ANKFN1: variants seen among roughly 807,000 people sequenced by gnomAD.
ANKFN1 encodes ankyrin repeat and fibronectin type III domain containing 1.
In ANKFN1, 74 loss-of-function variants were observed where a neutral mutation model predicts 108.7. The ratio of observed to expected loss-of-function variants is 0.68; its 90% CI spans 0.56 to 0.83. ANKFN1 has a LOEUF of 0.83. ANKFN1 is among the 40% of genes least tolerant of loss of function. The pLI, the probability that ANKFN1 is intolerant of heterozygous loss-of-function variation, is 0.00. For missense variants in ANKFN1, 1,505 were observed against 1,382.3 expected (o/e 1.09, Z -1.41); for synonymous variants, 547 against 516.2 (o/e 1.06, Z -0.81).
At position 56,287,384 on chromosome 17, in the gene ANKFN1, T is replaced by C. The variant is rs540320107; in HGVS notation, c.54-38837T>C. Among the ~76,000 whole-genome samples, 3 of 152,308 alleles carry C rather than the reference T, an allele frequency of 2.0e-5. No homozygotes were observed. The East Asian group carries it at 5.8e-4, about 29-fold the overall frequency. On this transcript the variant is annotated intron_variant, in intron 3 of 20. Transcript: ENST00000682825. ...TTCACTTCCCTGACTTTCAGTTTTCTTATCCTTGGAATGAAGGCAATACAA... is the reference window on the plus strand; with the variant it reads ...TTCACTTCCCTGACTTTCAGTTTTCCTATCCTTGGAATGAAGGCAATACAA...
intron 20 of ANKFN1, among the ~76,000 whole-genome samples, chr17:56,509,399 C>T (rs922130436): frequency 6.6e-6 from 1 of 152,216 alleles, no homozygotes; most frequent in Non-Finnish European, 1.5e-5. Flanking sequence ...CCTCATCCAA[C>T]ACATCTAGTT....
chr17:56,227,600 A>G (rs1164237352), intron 2 of ANKFN1, among the ~76,000 whole-genome samples: 1 of 152,126 alleles, frequency 6.6e-6, no homozygotes, highest in African/African-American at 2.4e-5. Flanking sequence ...AGCCAGCCAG[A>G]CTTACCATGT....
At chr17:56,482,219 C>G in intron 17 of ANKFN1, 137 bp from the exon 18 acceptor site, 1 of 740,818 alleles carries the variant, frequency 1.3e-6, no homozygotes, top group East Asian at 2.7e-5. Context: ...GGGCTGAACC[C>G]TAATATTTAT....
At chr17:56,417,632 G>T (rs2048281955) in intron 8 of ANKFN1, among the ~76,000 whole-genome samples, 1 of 152,178 alleles carries the variant, frequency 6.6e-6, no homozygotes, top group African/African-American at 2.4e-5. Flanking sequence ...TACCCATTTT[G>T]TTATGGATAT....
At chr17:56,342,600 A>G (rs1330526713) in intron 4 of ANKFN1, among the ~76,000 whole-genome samples, 2 of 151,960 alleles carry the variant, frequency 1.3e-5, no homozygotes, top group East Asian at 3.9e-4. Context: ...ATGTAATTGT[A>G]TGGTTTTGAG....
At chr17:56,149,704 A>G (rs75482262), upstream of ANKFN1, among the ~76,000 whole-genome samples, 2,739 of 152,338 alleles carry the variant, frequency 0.018, 100 homozygotes, top group African/African-American at 0.063. Context: ...GCTGGCTAAG[A>G]GCTGGGAGAA....
chr17:56,087,738 T>C (rs1481273064), intron 4 of ANKFN1, among the ~76,000 whole-genome samples: 1 of 151,300 alleles, frequency 6.6e-6, no homozygotes. Flanking sequence ...CAACTGCCTG[T>C]TTTTATAAAT....
chr17:56,446,760 C>T (rs1004008750), intron 10 of ANKFN1, among the ~76,000 whole-genome samples: 3 of 151,798 alleles, frequency 2.0e-5, no homozygotes, highest in Non-Finnish European at 4.4e-5. Flanking sequence ...AAAAATTAGC[C>T]AGGTGTGGTG....
At chr17:56,094,600 A>G (rs1417778295) in intron 4 of ANKFN1, among the ~76,000 whole-genome samples, 2 of 145,198 alleles carry the variant, frequency 1.4e-5, no homozygotes, top group African/African-American at 5.1e-5. Context: ...GCCTCCTGGG[A>G]TCAAGTGATT....
chr17:56,467,984 C>T (rs986879827), intron 15 of ANKFN1, among the ~76,000 whole-genome samples: 12 of 152,160 alleles, frequency 7.9e-5, no homozygotes, highest in African/African-American at 2.7e-4. Flanking sequence ...CTTCTATGTC[C>T]TTGCAGGGAC....
chr17:56,511,100 A>G lies in ANKFN1; in HGVS notation c.3272A>G (p.Tyr1091Cys). 2.6e-6 allele frequency: 4 copies of G among 1,536,002 alleles called. No individual in the cohort carries two copies. The highest frequency in any genetic ancestry group is 3.5e-6 in the Non-Finnish European group (4 of 1,146,842). The change falls in exon 21 of 21, where the codon TAC (tyrosine) becomes TGC (cysteine). Residue 1091 changes from tyrosine (Y) to cysteine (C), a missense_variant. By Grantham distance (194) the Tyr-to-Cys change is radical. Transcript: ENST00000682825. The stretch of plus-strand genomic sequence containing the variant: ...GCGAGGCCTTCCGTCCGCCGCCTCT[A>G]CGTGGAGCCCTACGCAGCGGCCGTG... ...QDARPSVRRL[Y>C]VEPYAAAVVA...
At chr17:56,284,577 A>G (rs1398706611) in intron 3 of ANKFN1, among the ~76,000 whole-genome samples, 1 of 152,222 alleles carries the variant, frequency 6.6e-6, no homozygotes, top group Admixed American at 6.5e-5. Flanking sequence ...AAACCATTAG[A>G]GTACAAAGCA....
intron 4 of ANKFN1, among the ~76,000 whole-genome samples, chr17:56,123,518 A>G (rs1906744090): frequency 6.6e-6 from 1 of 152,156 alleles, no homozygotes; most frequent in African/African-American, 2.4e-5. Flanking sequence ...GACTCCCAAA[A>G]ACACACAGAA....
chr17:56,287,048 T>C (rs772490139), intron 3 of ANKFN1, among the ~76,000 whole-genome samples: 5 of 152,214 alleles, frequency 3.3e-5, no homozygotes, highest in South Asian at 2.1e-4. Flanking sequence ...TCCCTTATAG[T>C]TGTGAGGTGT....
At chr17:56,219,324 G>A (rs746554194) in intron 2 of ANKFN1, among the ~76,000 whole-genome samples, 9 of 151,908 alleles carry the variant, frequency 5.9e-5, no homozygotes, top group Non-Finnish European at 1.3e-4. Context: ...TCAGCTCACT[G>A]CAACCTCCGC....
chr17:56,104,910 A>G (rs1905715179), intron 4 of ANKFN1, among the ~76,000 whole-genome samples: 1 of 152,200 alleles, frequency 6.6e-6, no homozygotes. Flanking sequence ...ATGCTTTGCA[A>G]AGCCTCCTTC....
chr17:56,375,376 G>A (rs1034836708), intron 8 of ANKFN1, among the ~76,000 whole-genome samples: 2 of 152,148 alleles, frequency 1.3e-5, no homozygotes, highest in African/African-American at 4.8e-5. Context: ...CAAGTAGAGG[G>A]AATAGAAAAT....
At chr17:56,198,444 G>A (rs1476874489) in intron 1 of ANKFN1, among the ~76,000 whole-genome samples, 1 of 151,988 alleles carries the variant, frequency 6.6e-6, no homozygotes, top group African/African-American at 2.4e-5. Flanking sequence ...TGAGTGATGG[G>A]GAGTGACTAT....
At chr17:56,209,165 C>T (rs889073760) in intron 1 of ANKFN1, among the ~76,000 whole-genome samples, 10 of 152,242 alleles carry the variant, frequency 6.6e-5, no homozygotes, top group South Asian at 2.1e-4. Context: ...TCATTTCCAC[C>T]GGCTCGTGTT....
Sources: gnomAD v4.1 joint callset for allele counts (sites outside exome capture counted in the v4.1 genomes callset) on GRCh38, gnomAD v4.1.1 for gene constraint, MANE v1.5 for transcripts, NCBI Gene and HGNC (gene_info 2026-07-23, HGNC 2026-07-21) for gene names.